The following RTL4 variants were observed in gnomAD, a reference collection of about 807,000 sequenced individuals.
The protein encoded by RTL4 is retrotransposon Gag like 4, also known as retrotransposon Gag-like protein 4.
Under a neutral mutation model 5.3 loss-of-function variants are expected in RTL4, and 4 were observed. The observed-to-expected ratio is 0.75, with a 90% CI of 0.37 to 1.72. The LOEUF is 1.72. RTL4 is among the 40% of genes most tolerant of loss of function. The probability of loss-of-function intolerance (pLI) is 0.04; values close to 1 mark genes in which losing one functional copy is unlikely to be tolerated. For missense variants in RTL4, 260 were observed against 227.1 expected (o/e 1.14, Z -0.93); for synonymous variants, 98 against 87.3 (o/e 1.12, Z -0.68).
the RTL4 span, among the ~76,000 whole-genome samples, chrX:112,260,195 C>T: frequency 1.8e-5 from 2 of 111,503 alleles, no homozygotes; most frequent in African/African-American, 6.5e-5. Context: ...TCTAACTCAT[C>T]CATGCATATC....
chrX:112,272,490 T>G, the RTL4 span, among the ~76,000 whole-genome samples: 1 of 111,279 alleles, frequency 9.0e-6, no homozygotes, highest in Admixed American at 9.5e-5. Flanking sequence ...TAGCAGTAAG[T>G]AGAAAAGTTT....
the RTL4 span, among the ~76,000 whole-genome samples, chrX:112,262,959 C>T: frequency 3.9e-5 from 4 of 102,561 alleles, no homozygotes; most frequent in South Asian, 1.4e-3. Flanking sequence ...CACCAAACAC[C>T]AAATATTTGG....
At chrX:112,243,482 G>A in the RTL4 span, among the ~76,000 whole-genome samples, 2 of 111,549 alleles carry the variant, frequency 1.8e-5, no homozygotes, top group Non-Finnish European at 3.8e-5. Context: ...GTATATTTGT[G>A]TAGAGGTTTT....
chrX:112,455,235 C>G (rs112035132), exon 1 of RTL4: 1 of 1,208,963 alleles, frequency 8.3e-7, no homozygotes, highest in African/African-American at 1.8e-5. Context: ...TCCACCTCCT[C>G]GCTCAAAATC....
chrX:112,169,306 G>C, the RTL4 span, among the ~76,000 whole-genome samples: 1 of 108,367 alleles, frequency 9.2e-6, no homozygotes, highest in Non-Finnish European at 1.9e-5. Flanking sequence ...TAGAGACGGG[G>C]TTTCTCCATG....
chrX:112,179,551 G>A, the RTL4 span, among the ~76,000 whole-genome samples: 1 of 111,873 alleles, frequency 8.9e-6, no homozygotes, highest in Admixed American at 9.5e-5. Flanking sequence ...GGTTTCTGCT[G>A]TAGATCTTAG....
chrX:112,376,693 G>A, the RTL4 span, among the ~76,000 whole-genome samples: 1 of 111,437 alleles, frequency 9.0e-6, no homozygotes, highest in Non-Finnish European at 1.9e-5. Flanking sequence ...TACTAGTTTT[G>A]CACCGTCATT....
chrX:112,261,621 G>A, the RTL4 span, among the ~76,000 whole-genome samples: 2 of 111,486 alleles, frequency 1.8e-5, no homozygotes, highest in Non-Finnish European at 3.8e-5. Context: ...TACTGCCCAA[G>A]GTAATTTATA....
At chrX:112,107,321 C>G in the RTL4 span, among the ~76,000 whole-genome samples, 2 of 111,491 alleles carry the variant, frequency 1.8e-5, no homozygotes, top group African/African-American at 6.5e-5. Flanking sequence ...TGTCTTTTAA[C>G]CTTTGTACTA....
chrX:112,212,917 G>C, the RTL4 span, among the ~76,000 whole-genome samples: 1 of 112,403 alleles, frequency 8.9e-6, no homozygotes, highest in Admixed American at 9.4e-5. Context: ...TACAAAGTGG[G>C]TTGTAGAGGC....
the RTL4 span, among the ~76,000 whole-genome samples, chrX:112,129,489 G>A: frequency 1.8e-5 from 2 of 111,745 alleles, no homozygotes; most frequent in African/African-American, 6.5e-5. Context: ...CTAATAACCC[G>A]ATAAAATGTA....
chrX:112,172,549 G>A, the RTL4 span, among the ~76,000 whole-genome samples: 116 of 111,464 alleles, frequency 1.0e-3, 1 homozygote, highest in African/African-American at 3.5e-3. Context: ...TTACACTGTC[G>A]GTGGGAATGT....
At chrX:112,391,800 T>C in the RTL4 span, among the ~76,000 whole-genome samples, 1 of 111,117 alleles carries the variant, frequency 9.0e-6, no homozygotes, top group Non-Finnish European at 1.9e-5. Context: ...CCACTGCAGC[T>C]CTAGGTGCAA....
chrX:112,333,813 T>G, the RTL4 span, among the ~76,000 whole-genome samples: 3 of 111,700 alleles, frequency 2.7e-5, no homozygotes, highest in Non-Finnish European at 5.6e-5. Context: ...TTAATTACAC[T>G]CTTTAAGTTA....
At chrX:112,381,987 A>C in the RTL4 span, 2 of 1,209,028 alleles carry the variant, frequency 1.7e-6, no homozygotes, top group Non-Finnish European at 1.1e-6. Context: ...AAGAGAGAGA[A>C]CCAGCAGTTC....
chrX:112,417,955 C>T, the RTL4 span, among the ~76,000 whole-genome samples: 1 of 111,094 alleles, frequency 9.0e-6, no homozygotes, highest in Non-Finnish European at 1.9e-5. Flanking sequence ...TGAGACCAGC[C>T]ATGTTAACAT....
chrX:112,172,244 G>A, the RTL4 span, among the ~76,000 whole-genome samples: 2 of 110,973 alleles, frequency 1.8e-5, no homozygotes, highest in African/African-American at 6.6e-5. Flanking sequence ...ATAGTTGCTT[G>A]AACCTGGGAG....
chrX:112,386,680 A>C, the RTL4 span, among the ~76,000 whole-genome samples: 1 of 112,070 alleles, frequency 8.9e-6, no homozygotes, highest in Non-Finnish European at 1.9e-5. Flanking sequence ...TGCGAATGCC[A>C]TTAATTCGTT....
chrX:112,260,367 T>C, the RTL4 span, among the ~76,000 whole-genome samples: 1 of 111,673 alleles, frequency 9.0e-6, no homozygotes, highest in African/African-American at 3.3e-5. Context: ...TACTCTGCGA[T>C]TGAAAAAGAT....
Sources: allele counts gnomAD v4.1 joint callset (sites outside exome capture counted in the v4.1 genomes callset), GRCh38; gene constraint gnomAD v4.1.1; transcripts MANE v1.5; gene names NCBI Gene and HGNC (gene_info 2026-07-23, HGNC 2026-07-21).